Variants in LRMDA observed in about 807,000 individuals in gnomAD.
The protein encoded by LRMDA is leucine rich melanocyte differentiation associated.
In LRMDA, 18 loss-of-function variants were observed where a neutral mutation model predicts 29.8. The observed-to-expected ratio is 0.60, with a 90% CI of 0.42 to 0.90. The LOEUF is 0.90. Ranked by LOEUF, LRMDA falls within the 40% of genes least tolerant of loss-of-function variation. The pLI is 0.00. For missense variants in LRMDA, 273 were observed against 273.9 expected (o/e 1.00, Z 0.02); for synonymous variants, 125 against 109.4 (o/e 1.14, Z -0.89).
chr10:75,565,075 G>T (rs1840352730), intron 2 of LRMDA, among the ~76,000 whole-genome samples: 1 of 152,148 alleles, frequency 6.6e-6, no homozygotes, highest in Non-Finnish European at 1.5e-5. Context: ...CTGATCCAAG[G>T]AATGGAAATA....
chr10:76,431,433 T>A (rs566732177), intron 6 of LRMDA, among the ~76,000 whole-genome samples: 2 of 152,316 alleles, frequency 1.3e-5, no homozygotes, highest in Admixed American at 6.5e-5. Flanking sequence ...GACTTCAGAG[T>A]TAGACTGCAT....
At chr10:76,477,690 G>T (rs1299208913) in intron 6 of LRMDA, among the ~76,000 whole-genome samples, 1 of 152,040 alleles carries the variant, frequency 6.6e-6, no homozygotes, top group Non-Finnish European at 1.5e-5. Flanking sequence ...CATGGTACTG[G>T]TACCAAAGCA....
At chr10:76,421,088 T>G (rs1842067337) in intron 6 of LRMDA, among the ~76,000 whole-genome samples, 1 of 152,156 alleles carries the variant, frequency 6.6e-6, no homozygotes, top group Non-Finnish European at 1.5e-5. Context: ...TAATTCCTTT[T>G]TGTTATCTGC....
intron 6 of LRMDA, among the ~76,000 whole-genome samples, chr10:76,431,222 T>C (rs4746393): frequency 0.85 from 129,392 of 152,164 alleles, 55,861 homozygotes; most frequent in Non-Finnish European, 0.94. Context: ...AGATAATAAC[T>C]AGGTGCTTGG....
At chr10:75,890,360 A>G (rs1845464353) in intron 2 of LRMDA, among the ~76,000 whole-genome samples, 1 of 152,260 alleles carries the variant, frequency 6.6e-6, no homozygotes, top group Non-Finnish European at 1.5e-5. Flanking sequence ...AAACATTAAA[A>G]AATTACTTTG....
At chr10:75,650,329 T>A (rs948291230) in intron 2 of LRMDA, among the ~76,000 whole-genome samples, 12 of 152,220 alleles carry the variant, frequency 7.9e-5, no homozygotes, top group Admixed American at 6.5e-4. Flanking sequence ...ACTCACTTTT[T>A]TGGCATGTGG....
intron 5 of LRMDA, among the ~76,000 whole-genome samples, chr10:76,147,785 T>A: frequency 6.6e-6 from 1 of 152,226 alleles, no homozygotes; most frequent in Admixed American, 6.5e-5. Flanking sequence ...TTCCAGTTTT[T>A]CTGGTCTGTT....
chr10:76,173,123 G>A (rs890060097), intron 5 of LRMDA, among the ~76,000 whole-genome samples: 2 of 152,086 alleles, frequency 1.3e-5, no homozygotes, highest in Non-Finnish European at 2.9e-5. Context: ...GCCATGTCTA[G>A]ACCAAAAGCA....
At chr10:75,520,148 T>C (rs1845339529) in intron 2 of LRMDA, among the ~76,000 whole-genome samples, 2 of 152,184 alleles carry the variant, frequency 1.3e-5, no homozygotes, top group African/African-American at 4.8e-5. Context: ...AATCTGACAA[T>C]TATGTGTCTT....
At chr10:75,530,394 A>C (rs1845463098) in intron 2 of LRMDA, among the ~76,000 whole-genome samples, 1 of 152,182 alleles carries the variant, frequency 6.6e-6, no homozygotes, top group African/African-American at 2.4e-5. Flanking sequence ...GAATTGCAGG[A>C]ATTCAGGGAC....
chr10:75,618,140 GTTGT>G (rs1000016128), intron 2 of LRMDA, among the ~76,000 whole-genome samples: 1 of 151,916 alleles, frequency 6.6e-6, no homozygotes, highest in African/African-American at 2.4e-5. Flanking sequence ...CTGCTGTATT[GTTGT>G]TTAACATTTT....
intron 6 of LRMDA, among the ~76,000 whole-genome samples, chr10:76,478,699 A>T (rs1589208256): frequency 6.6e-6 from 1 of 152,232 alleles, no homozygotes; most frequent in Admixed American, 6.5e-5. Context: ...CATATACACC[A>T]TGGAATACTA....
intron 2 of LRMDA, among the ~76,000 whole-genome samples, chr10:75,507,001 C>A (rs561523309): frequency 6.6e-6 from 1 of 151,828 alleles, no homozygotes; most frequent in Non-Finnish European, 1.5e-5. Context: ...TGGGTGAGTG[C>A]GTGTTTGGGG....
At chr10:76,279,638 C>A (rs186385344) in intron 5 of LRMDA, among the ~76,000 whole-genome samples, 1 of 150,388 alleles carries the variant, frequency 6.6e-6, no homozygotes, top group Non-Finnish European at 1.5e-5. Flanking sequence ...CGCTGCCTCC[C>A]GGGTTCAAGC....
chr10:75,826,565 C>T (rs1277466732), intron 2 of LRMDA, among the ~76,000 whole-genome samples: 2 of 152,078 alleles, frequency 1.3e-5, no homozygotes, highest in African/African-American at 2.4e-5. Context: ...CTATTAACTA[C>T]GAAGTTTTAT....
At chr10:76,068,828 G>A (rs1848828909) in intron 5 of LRMDA, among the ~76,000 whole-genome samples, 1 of 152,210 alleles carries the variant, frequency 6.6e-6, no homozygotes, top group Non-Finnish European at 1.5e-5. Context: ...TGTCAAACAG[G>A]TATGCCTAGG....
chr10:75,518,129 G>A (rs551742188), intron 2 of LRMDA, among the ~76,000 whole-genome samples: 1 of 152,222 alleles, frequency 6.6e-6, no homozygotes, highest in African/African-American at 2.4e-5. Flanking sequence ...TTTTCACATC[G>A]ATGTTCATCA....
intron 2 of LRMDA, among the ~76,000 whole-genome samples, chr10:75,850,857 C>G (rs1204078031): frequency 6.6e-6 from 1 of 152,096 alleles, no homozygotes; most frequent in Admixed American, 6.6e-5. Flanking sequence ...GGAGTTGAAA[C>G]AGTAGTGTTC....
intron 5 of LRMDA, among the ~76,000 whole-genome samples, chr10:76,276,854 A>T (rs1840142130): frequency 6.6e-6 from 1 of 152,054 alleles, no homozygotes; most frequent in South Asian, 2.1e-4. Flanking sequence ...GTGGGTTCCA[A>T]TCTTGGTCCA....
Sources: gnomAD v4.1 joint callset for allele counts (sites outside exome capture counted in the v4.1 genomes callset) on GRCh38, gnomAD v4.1.1 for gene constraint, MANE v1.5 for transcripts, NCBI Gene and HGNC (gene_info 2026-07-23, HGNC 2026-07-21) for gene names.